The following LRRTM4 variants were observed in gnomAD, a reference collection of about 807,000 sequenced individuals.
LRRTM4 encodes leucine-rich repeat transmembrane neuronal protein 4.
LRRTM4 carries 25 observed loss-of-function variants against 47.6 expected under a neutral mutation model. The ratio of observed to expected loss-of-function variants is 0.53; its 90% CI spans 0.38 to 0.73. LRRTM4 has a LOEUF of 0.73. LRRTM4 is among the 30% of genes least tolerant of loss of function. The probability of loss-of-function intolerance (pLI) is 0.00; values close to 1 mark genes in which losing one functional copy is unlikely to be tolerated. For missense variants in LRRTM4, 638 were observed against 713.4 expected, an observed-to-expected ratio of 0.89 and a Z score of 1.20; for synonymous variants, 311 against 269.5, an observed-to-expected ratio of 1.15 and a Z score of -1.51.
intron 3 of LRRTM4, among the ~76,000 whole-genome samples, chr2:77,023,997 G>T (rs1678363655): frequency 1.3e-5 from 2 of 152,182 alleles, no homozygotes; most frequent in South Asian, 4.1e-4. Flanking sequence ...CCACATGGCT[G>T]GGGAGGCCTC....
At chr2:77,057,154 T>A (rs13397044) in intron 3 of LRRTM4, among the ~76,000 whole-genome samples, 1 of 152,178 alleles carries the variant, frequency 6.6e-6, no homozygotes, top group East Asian at 1.9e-4. Flanking sequence ...TGCTGATCCC[T>A]GATTCAAAAC....
At chr2:76,807,399 T>C (rs1269000025) in intron 3 of LRRTM4, among the ~76,000 whole-genome samples, 25 of 112,284 alleles carry the variant, frequency 2.2e-4, no homozygotes, top group African/African-American at 6.4e-4. Flanking sequence ...TATATATATA[T>C]GTATATACGT....
intron 3 of LRRTM4, among the ~76,000 whole-genome samples, chr2:76,882,262 T>C (rs1672952895): frequency 6.6e-6 from 1 of 152,158 alleles, no homozygotes. Flanking sequence ...ACTTTTTGTG[T>C]AGGAGTGAAC....
At chr2:76,960,128 C>T (rs557131683) in intron 3 of LRRTM4, among the ~76,000 whole-genome samples, 4 of 151,618 alleles carry the variant, frequency 2.6e-5, no homozygotes, top group African/African-American at 9.7e-5. Flanking sequence ...CTCCATCATC[C>T]TAATTACCAA....
At chr2:77,503,315 C>T (rs148059623) in intron 3 of LRRTM4, among the ~76,000 whole-genome samples, 2 of 151,572 alleles carry the variant, frequency 1.3e-5, no homozygotes, top group East Asian at 1.9e-4. Flanking sequence ...AGATAGATTG[C>T]TTATGGAGTA....
intron 3 of LRRTM4, among the ~76,000 whole-genome samples, chr2:77,417,443 G>A (rs1490848416): frequency 3.3e-5 from 5 of 152,040 alleles, no homozygotes; most frequent in African/African-American, 4.8e-5. Context: ...ACATGCACAC[G>A]TATGTTTATT....
At chr2:77,146,017 T>C (rs1461332206) in intron 3 of LRRTM4, among the ~76,000 whole-genome samples, 1 of 152,112 alleles carries the variant, frequency 6.6e-6, no homozygotes, top group Non-Finnish European at 1.5e-5. Flanking sequence ...TCAGGTTGGG[T>C]AAACAATGTT....
chr2:76,794,885 GAACCACAGTTGTAGAAAA>G (rs1675184488), intron 3 of LRRTM4, among the ~76,000 whole-genome samples: 1 of 148,272 alleles, frequency 6.7e-6, no homozygotes, highest in Non-Finnish European at 1.5e-5. Context: ...TTCTGATTAA[GAACCACAGTTGTAGAAAA>G]ATTAAGATTT....
intron 3 of LRRTM4, among the ~76,000 whole-genome samples, chr2:77,117,226 A>T (rs933095767): frequency 6.6e-6 from 1 of 152,042 alleles, no homozygotes; most frequent in South Asian, 2.1e-4. Context: ...CTATTTTGAC[A>T]TATGTTTTCA....
At chr2:77,440,333 G>A (rs1407904033) in intron 3 of LRRTM4, among the ~76,000 whole-genome samples, 2 of 152,098 alleles carry the variant, frequency 1.3e-5, no homozygotes, top group Non-Finnish European at 2.9e-5. Flanking sequence ...AGAATGGTGT[G>A]AACTCGGGAG....
intron 3 of LRRTM4, among the ~76,000 whole-genome samples, chr2:77,278,534 A>G (rs1676426714): frequency 1.3e-5 from 2 of 151,944 alleles, no homozygotes; most frequent in Admixed American, 1.3e-4. Flanking sequence ...TCTTCACATC[A>G]ATTGAAAAAA....
At chr2:77,214,144 A>C (rs1448750542) in intron 3 of LRRTM4, among the ~76,000 whole-genome samples, 2 of 152,190 alleles carry the variant, frequency 1.3e-5, no homozygotes, top group Non-Finnish European at 2.9e-5. Context: ...TTGAGAGTAC[A>C]TGATCTTATG....
chr2:77,018,623 A>G (rs954849157), intron 3 of LRRTM4, among the ~76,000 whole-genome samples: 1 of 128,360 alleles, frequency 7.8e-6, no homozygotes, highest in African/African-American at 4.2e-5. Context: ...TTTCATTATG[A>G]TAAGAAATAT....
At chr2:77,260,859 G>C (rs1177835470) in intron 3 of LRRTM4, among the ~76,000 whole-genome samples, 1 of 152,142 alleles carries the variant, frequency 6.6e-6, no homozygotes, top group Non-Finnish European at 1.5e-5. Flanking sequence ...TATGACGCTA[G>C]AATTGGCGAC....
chr2:77,075,747 C>G (rs1439723047), intron 3 of LRRTM4, among the ~76,000 whole-genome samples: 1 of 150,260 alleles, frequency 6.7e-6, no homozygotes, highest in African/African-American at 2.5e-5. Flanking sequence ...AACCCCGTCT[C>G]TACTAAAAAT....
intron 3 of LRRTM4, among the ~76,000 whole-genome samples, chr2:77,477,244 G>A (rs1338928875): frequency 6.6e-6 from 1 of 152,068 alleles, no homozygotes; most frequent in Non-Finnish European, 1.5e-5. Flanking sequence ...GAAAGTAAAA[G>A]TACATACTGA....
chr2:77,389,047 C>T (rs1028630127), intron 3 of LRRTM4, among the ~76,000 whole-genome samples: 4 of 151,820 alleles, frequency 2.6e-5, no homozygotes, highest in Non-Finnish European at 4.4e-5. Context: ...TCCATAATGT[C>T]AAACAAAATA....
chr2:77,053,021 A>G (rs1264249635), intron 3 of LRRTM4, among the ~76,000 whole-genome samples: 7 of 152,184 alleles, frequency 4.6e-5, no homozygotes, highest in Admixed American at 1.3e-4. Context: ...GGGATATTTT[A>G]CTAACATAGT....
chr2:77,099,793 T>G (rs962601414), intron 3 of LRRTM4, among the ~76,000 whole-genome samples: 4 of 151,930 alleles, frequency 2.6e-5, no homozygotes, highest in African/African-American at 9.7e-5. Context: ...AATTGCATAT[T>G]AATCTTCAAA....
Sources: gnomAD v4.1 joint callset for allele counts (sites outside exome capture counted in the v4.1 genomes callset) on GRCh38, gnomAD v4.1.1 for gene constraint, MANE v1.5 for transcripts, NCBI Gene and HGNC (gene_info 2026-07-23, HGNC 2026-07-21) for gene names.